PKN2: variants seen among roughly 807,000 people sequenced by gnomAD.
PKN2 encodes protein kinase N2.
PKN2 carries 38 observed loss-of-function variants against 119.1 expected under a neutral mutation model. That is an observed-to-expected ratio of 0.32 (90% CI 0.25 to 0.42). The LOEUF (loss-of-function observed/expected upper bound fraction) is 0.42, where lower values mean the gene tolerates loss of function less well. Among genes scored for constraint, PKN2 ranks in the 10% least tolerant of loss-of-function variants. The pLI, the probability that PKN2 is intolerant of heterozygous loss-of-function variation, is 1.00. For synonymous variants in PKN2, 390 were observed against 384.9 expected (o/e 1.01, Z -0.15); for missense variants, 850 against 1,165.1 (o/e 0.73, Z 3.94).
Position 88,833,110 on chromosome 1 carries a change from G to T in PKN2, c.2704G>T (p.Ala902Ser). The part of the protein sequence containing the change: ...LRRNPERRLG[A>S]SEKDAEDVKK... ...AAGAAATCCTGAACGGCGCCTTGGG[G>T]CTAGCGAGAAAGATGCAGAGGATGT... Residue 902 changes from alanine (A) to serine (S), a missense_variant, in exon 21 of 22, where the codon GCT becomes TCT. By Grantham distance (99) the Ala-to-Ser change is moderately conservative (BLOSUM62 1). Around this residue, in one of 9 missense-constraint regions of PKN2, gnomAD observed 95 missense variants for 150.2 expected, o/e 0.63. Coordinates refer to ENST00000370521, the MANE Select transcript of PKN2 (RefSeq NM_006256.4). The T allele has an allele frequency of 6.2e-7, 1 of 1,612,950 alleles. No individual in the cohort carries two copies. Among genetic ancestry groups the T allele is most frequent in the Non-Finnish European group, 8.5e-7 (1 of 1,179,360 alleles).
At chr1:88,783,332 C>T (rs11806807) in intron 6 of PKN2, among the ~76,000 whole-genome samples, 10,188 of 152,216 alleles carry the variant, frequency 0.067, 698 homozygotes, top group African/African-American at 0.18. Context: ...AACTTGGCTC[C>T]GCCTGAGTTT....
chr1:88,752,653 T>A (rs1477789644), intron 2 of PKN2, among the ~76,000 whole-genome samples: 1 of 152,188 alleles, frequency 6.6e-6, no homozygotes, highest in African/African-American at 2.4e-5. Flanking sequence ...TGAAATGACT[T>A]ACCTGTAATC....
At chr1:88,734,387 T>C (rs1162008440) in intron 1 of PKN2, among the ~76,000 whole-genome samples, 1 of 152,150 alleles carries the variant, frequency 6.6e-6, no homozygotes, top group African/African-American at 2.4e-5. Context: ...GTTTTGTCTG[T>C]GGTGAGAGAT....
chr1:88,804,968 C>A, intron 10 of PKN2, 47 bp downstream of exon 10: 1 of 896,970 alleles, frequency 1.1e-6, no homozygotes, highest in Non-Finnish European at 1.8e-6. Flanking sequence ...TTTTCTTAAA[C>A]AATCTAATTA....
Position 88,784,132 on chromosome 1 carries a change from C to CTT in PKN2, c.986-486_986-485dup, listed in dbSNP as rs397862410. 6.1e-3 allele frequency among the ~76,000 whole-genome samples: 632 copies of CTT among 103,910 alleles called. 13 individuals are homozygous for CTT. Among genetic ancestry groups the CTT allele is most frequent in the African/African-American group, 0.012 (302 of 24,574 alleles). The allele number at this position is 103,910 out of a possible 152,430, so 68.2% of individuals were successfully genotyped here. ...AGACAACTTTTGGGAGATGCTGTTCCTTTTTTTTTTTTTTTTTTTTTTGGA... is the reference window on the plus strand; with the variant it reads ...AGACAACTTTTGGGAGATGCTGTTCCTTTTTTTTTTTTTTTTTTTTTTTTGGA... On this transcript the variant is annotated intron_variant, in intron 6 of 21. Transcript: ENST00000370521.
chr1:88,715,253 G>A (rs906617347), intron 1 of PKN2, among the ~76,000 whole-genome samples: 2 of 152,028 alleles, frequency 1.3e-5, no homozygotes, highest in African/African-American at 4.8e-5. Context: ...TTGTATCTCT[G>A]CCAGGCTTTG....
chr1:88,758,188 C>T (rs1669294410), intron 2 of PKN2, among the ~76,000 whole-genome samples: 1 of 151,356 alleles, frequency 6.6e-6, no homozygotes, highest in Non-Finnish European at 1.5e-5. Context: ...AATCTGCAGG[C>T]ATTGATTTAT....
intron 18 of PKN2, among the ~76,000 whole-genome samples, chr1:88,825,771 G>A (rs1041453454): frequency 6.6e-6 from 1 of 151,984 alleles, no homozygotes; most frequent in African/African-American, 2.4e-5. Flanking sequence ...AATACAGATC[G>A]GACCATGGCA....
intron 1 of PKN2, among the ~76,000 whole-genome samples, chr1:88,727,370 T>C (rs1056862164): frequency 3.3e-5 from 5 of 152,178 alleles, no homozygotes; most frequent in Non-Finnish European, 7.4e-5. Context: ...GGGGTCTCAC[T>C]GTATTGCCCA....
In PKN2 at chr1:88,741,214, A is replaced by T. The variant is rs1363032285; in HGVS notation, c.275A>T (p.Lys92Ile). ...VDNILKKSNK[K>I]LEELHHKLQE... is the part of the protein sequence containing the mutation. ...AACATTTTGAAAAAATCAAATAAAA[A>T]ATTAGAAGAACTACATCACAAGCTG... The change falls in exon 2 of 22, where the codon AAA becomes ATA. Residue 92 changes from lysine to isoleucine, a missense_variant. Transcript: ENST00000370521. The T allele has an allele frequency of 1.2e-6, 2 of 1,602,610 alleles. No individual in the cohort carries two copies. Among genetic ancestry groups the T allele is most frequent in the African/African-American group, 2.7e-5 (2 of 74,034 alleles).
chr1:88,760,475 A>T (rs1669398694), intron 3 of PKN2, 99 bp downstream of exon 3: 1 of 650,516 alleles, frequency 1.5e-6, no homozygotes, highest in Non-Finnish European at 2.6e-6. Context: ...AGTAACTCCA[A>T]CATCAGTACT....
chr1:88,779,832 G>T (rs898351700), intron 6 of PKN2, among the ~76,000 whole-genome samples: 8 of 152,138 alleles, frequency 5.3e-5, no homozygotes, highest in African/African-American at 1.9e-4. Flanking sequence ...CACTAATTAG[G>T]ATCAGTCTAA....
In PKN2 at chr1:88,769,841, G is replaced by A. The variant is rs577767944; in HGVS notation, c.505-511G>A. Among the ~76,000 whole-genome samples, 4 of 152,206 alleles carry A rather than the reference G, an allele frequency of 2.6e-5. No homozygotes were observed. In the South Asian group the frequency reaches 8.3e-4, roughly 32 times the overall value. ...GAAATGGGGAGAAGTTGGTCAAAAG[G>A]TACATACTTAGAGTTAGGTAGGATG... On this transcript the variant is annotated intron_variant, in intron 3 of 21. Coordinates refer to ENST00000370521, the MANE Select transcript of PKN2 (RefSeq NM_006256.4).
chr1:88,732,679 ATTATC>A (rs1373575727), intron 1 of PKN2, among the ~76,000 whole-genome samples: 6 of 152,182 alleles, frequency 3.9e-5, no homozygotes, highest in African/African-American at 1.4e-4. Flanking sequence ...ATTTCTAATT[ATTATC>A]TTAGGTTAGA....
chr1:88,780,271 A>G (rs949050832), intron 6 of PKN2, among the ~76,000 whole-genome samples: 2 of 152,180 alleles, frequency 1.3e-5, no homozygotes, highest in African/African-American at 4.8e-5. Flanking sequence ...TTGTTAGGAA[A>G]GCAATCATAT....
At chr1:88,741,355 TAGTA>T (rs1418078915) in intron 2 of PKN2, 67 bp downstream of exon 2, 3 of 1,077,282 alleles carry the variant, frequency 2.8e-6, no homozygotes, top group Non-Finnish European at 3.8e-6. Flanking sequence ...TTTTAGAAAA[TAGTA>T]AGTTTGGGGA....
chr1:88,807,209 A>G (rs1241337995), intron 12 of PKN2, 104 bp from the exon 13 acceptor site: 2 of 921,262 alleles, frequency 2.2e-6, no homozygotes, highest in East Asian at 2.7e-5. Flanking sequence ...TTTCACTCCA[A>G]CATTTATATT....
intron 1 of PKN2, among the ~76,000 whole-genome samples, chr1:88,717,093 T>C (rs1272130770): frequency 6.6e-6 from 1 of 152,142 alleles, no homozygotes; most frequent in East Asian, 1.9e-4. Flanking sequence ...GGTTGAAAAT[T>C]CTTTTCTTTA....
intron 1 of PKN2, among the ~76,000 whole-genome samples, chr1:88,739,623 A>G (rs562673948): frequency 6.6e-6 from 1 of 152,264 alleles, no homozygotes; most frequent in Non-Finnish European, 1.5e-5. Flanking sequence ...TCCTTCATAA[A>G]CTCAAATCTC....
Sources: gnomAD v4.1 joint callset for allele counts (sites outside exome capture counted in the v4.1 genomes callset) on GRCh38, gnomAD v4.1.1 for gene constraint, gnomAD v4.1.1 regional missense constraint, MANE v1.5 for transcripts, NCBI Gene and HGNC (gene_info 2026-07-23, HGNC 2026-07-21) for gene names.